Variants in NLN observed in about 807,000 individuals in gnomAD.
NLN encodes the protein neurolysin, mitochondrial.
NLN carries 64 observed loss-of-function variants against 79.9 expected under a neutral mutation model. The ratio of observed to expected loss-of-function variants is 0.80; its 90% confidence interval spans 0.65 to 0.99. The LOEUF (loss-of-function observed/expected upper bound fraction) is 0.99. Among genes scored for constraint, NLN ranks in the 50% least tolerant of loss-of-function variants. The pLI is 0.00. For synonymous variants in NLN, 267 were observed against 296.6 expected (o/e 0.90, Z 1.02); for missense variants, 835 against 858.7 (o/e 0.97, Z 0.34).
chr5:65,826,804 C>G lies in NLN; in HGVS notation c.*3889C>G, dbSNP rs2150782309. On this transcript the variant is annotated 3_prime_UTR_variant, in exon 13 of 13. Coordinates refer to ENST00000380985, the MANE Select transcript of NLN (RefSeq NM_020726.5). Reference sequence around the variant, plus strand: ...CCTGTAGTCCCAGCTACTTGGGAGGCTGAGGTGGGAGGATTGCTTGAGCCC... The same window carrying G: ...CCTGTAGTCCCAGCTACTTGGGAGGGTGAGGTGGGAGGATTGCTTGAGCCC... The G allele has an allele frequency of 6.6e-6, 1 of 152,090 alleles. No homozygotes were observed. The highest frequency in any genetic ancestry group is 2.4e-5 in the African/African-American group (1 of 41,442). 9.4% of individuals were successfully genotyped at this position (152,090 alleles called of 1,614,324 possible).
chr5:65,735,474 A>G (rs953574645), intron 1 of NLN, among the ~76,000 whole-genome samples: 10 of 152,238 alleles, frequency 6.6e-5, no homozygotes, highest in East Asian at 1.9e-4. Context: ...CCTAGGAGCC[A>G]TTCCTTGCTT....
chr5:65,726,157 C>T (rs997445407), intron 1 of NLN, among the ~76,000 whole-genome samples: 1 of 151,132 alleles, frequency 6.6e-6, no homozygotes, highest in African/African-American at 2.4e-5. Flanking sequence ...AAATCTATTT[C>T]AGCTCACAGT....
At chr5:65,738,986 A>G (rs9716284) in intron 1 of NLN, among the ~76,000 whole-genome samples, 1,192 of 7,376 alleles carry the variant, frequency 0.16, 35 homozygotes, top group African/African-American at 0.22. Context: ...TATATTATAT[A>G]TTTATATATA....
chr5:65,780,243 AG>A lies in NLN; in HGVS notation c.625del (p.Asp209MetfsTer23). On this transcript the variant is annotated frameshift_variant, in exon 5 of 13. Transcript: ENST00000380985. LOFTEE classifies it high-confidence loss of function. ...LCIDFNKNLN[E>X]DDTFLVFSKA... ...ATTGATTTTAACAAAAACCTCAATGAGGATGATACCTTCCTTGTATTTTCCA... is the reference window on the plus strand; with the variant it reads ...ATTGATTTTAACAAAAACCTCAATGAGATGATACCTTCCTTGTATTTTCCA... 6.8e-7 allele frequency: 1 copy of A among 1,480,322 alleles called. No individual in the cohort carries two copies. Among genetic ancestry groups the A allele is most frequent in the Non-Finnish European group, 9.3e-7 (1 of 1,069,530 alleles). The allele number at this position is 1,480,322 out of a possible 1,614,324, so 91.7% of individuals were successfully genotyped here.
At chr5:65,796,651 CT>C (rs1354477929) in intron 9 of NLN, among the ~76,000 whole-genome samples, 2 of 152,188 alleles carry the variant, frequency 1.3e-5, no homozygotes, top group Non-Finnish European at 2.9e-5. Flanking sequence ...ATTTTAAGAA[CT>C]TTTAAGGTCA....
intron 12 of NLN, among the ~76,000 whole-genome samples, chr5:65,816,153 T>G (rs1760666407): frequency 6.6e-6 from 1 of 151,988 alleles, no homozygotes; most frequent in South Asian, 2.1e-4. Flanking sequence ...ATTGCACCAT[T>G]GCACTCCAGC....
At chr5:65,803,392 G>A (rs1297514345) in intron 9 of NLN, among the ~76,000 whole-genome samples, 1 of 152,220 alleles carries the variant, frequency 6.6e-6, no homozygotes, top group Non-Finnish European at 1.5e-5. Flanking sequence ...AGGGGCTGAG[G>A]CAGCAAGGGG....
In NLN at chr5:65,732,351, T is replaced by A. The variant is rs191632025; in HGVS notation, c.41+9937T>A. Reference sequence around the variant, plus strand: ...GTCAGGGGTTCAGATCTAGGGAGGGTGCATTTGTGAATTCCTTTTTAGGAA... The same window carrying A: ...GTCAGGGGTTCAGATCTAGGGAGGGAGCATTTGTGAATTCCTTTTTAGGAA... On this transcript the variant is annotated intron_variant, in intron 1 of 12. Coordinates refer to ENST00000380985, the MANE Select transcript of NLN (RefSeq NM_020726.5). 7.1e-4 allele frequency among the ~76,000 whole-genome samples: 65 copies of A among 91,204 alleles called. 11 individuals are homozygous for A. Among genetic ancestry groups the A allele is most frequent in the African/African-American group, 2.2e-3 (50 of 22,742 alleles). 59.8% of individuals were successfully genotyped at this position (91,204 alleles called of 152,430 possible).
At chr5:65,777,684 G>A (rs1028184092) in intron 4 of NLN, 150 bp downstream of exon 4, 3 of 602,282 alleles carry the variant, frequency 5.0e-6, no homozygotes, top group Non-Finnish European at 8.8e-6. Flanking sequence ...ATGCTCATTG[G>A]AGCATTTCAG....
intron 12 of NLN, 84 bp from the exon 13 acceptor site, chr5:65,822,697 C>T: frequency 9.9e-7 from 1 of 1,008,576 alleles, no homozygotes; most frequent in Non-Finnish European, 1.6e-6. Context: ...TTTCCTTCAC[C>T]CCTACCCTCT....
intron 9 of NLN, among the ~76,000 whole-genome samples, chr5:65,795,681 T>A (rs548970825): frequency 3.9e-4 from 59 of 152,182 alleles, no homozygotes; most frequent in Non-Finnish European, 7.2e-4. Flanking sequence ...AGTGAGACTC[T>A]GTCTCAAAAT....
chr5:65,738,982 ATATATT>A (rs1758806494), intron 1 of NLN, among the ~76,000 whole-genome samples: 1 of 2,730 alleles, frequency 3.7e-4, no homozygotes, highest in African/African-American at 1.2e-3. Context: ...TATATATATT[ATATATT>A]TATATATATT....
intron 3 of NLN, among the ~76,000 whole-genome samples, chr5:65,773,127 A>ATTTTTTTTTT (rs757202934): frequency 1.0e-5 from 1 of 96,610 alleles, no homozygotes; most frequent in African/African-American, 4.2e-5. Context: ...CCTGAATTCT[A>ATTTTTTTTTT]TTTTTTTTTT....
rs1760964155 is a variant in NLN at position 65,828,642 on chromosome 5, T to G, written c.*5727T>G. The G allele has an allele frequency of 6.6e-6, 1 of 152,236 alleles. No homozygotes were observed. Among genetic ancestry groups the G allele is most frequent in the Non-Finnish European group, 1.5e-5 (1 of 68,032 alleles). The allele number at this position is 152,236 out of a possible 1,614,324, so 9.4% of individuals were successfully genotyped here. On this transcript the variant is annotated 3_prime_UTR_variant, in exon 13 of 13. Transcript: ENST00000380985. The stretch of plus-strand genomic sequence containing the variant: ...AGTACGAGGAAGCTGTTTCTAATAC[T>G]TTTTGTTGGTTAAAAATACATTCCG...
intron 1 of NLN, among the ~76,000 whole-genome samples, chr5:65,723,674 G>A (rs1304789562): frequency 6.6e-6 from 1 of 151,250 alleles, no homozygotes; most frequent in Non-Finnish European, 1.5e-5. Flanking sequence ...AATTAGCCGG[G>A]CGTGGTGGCG....
At chr5:65,807,730 G>T (rs544725131) in intron 9 of NLN, among the ~76,000 whole-genome samples, 2 of 152,110 alleles carry the variant, frequency 1.3e-5, no homozygotes, top group Non-Finnish European at 2.9e-5. Flanking sequence ...GTGAGTCACC[G>T]CACCAGCCAT....
rs1307276664 is a variant in NLN, at chr5:65,732,715, C to A, written c.41+10301C>A. Among the ~76,000 whole-genome samples, 5 of 143,886 alleles carry A rather than the reference C, an allele frequency of 3.5e-5. 1 individual carries two copies. The highest frequency in any genetic ancestry group is 2.1e-4 in the Admixed American group (3 of 14,598). 94.4% of individuals were successfully genotyped at this position (143,886 alleles called of 152,430 possible). On this transcript the variant is annotated intron_variant, in intron 1 of 12. Coordinates refer to ENST00000380985, the MANE Select transcript of NLN (RefSeq NM_020726.5). Reference sequence around the variant, plus strand: ...TCCCTAGACCTTGCTCAGTTGAGTTCTTTGTGCACATCTCCCACTGGGCTC... The same window carrying A: ...TCCCTAGACCTTGCTCAGTTGAGTTATTTGTGCACATCTCCCACTGGGCTC...
intron 4 of NLN, among the ~76,000 whole-genome samples, chr5:65,778,430 T>C (rs1202042687): frequency 1.3e-5 from 2 of 152,202 alleles, no homozygotes; most frequent in Admixed American, 1.3e-4. Context: ...CACTGAGATA[T>C]GGGTACCTTT....
intron 1 of NLN, among the ~76,000 whole-genome samples, chr5:65,734,684 C>T (rs1758688763): frequency 6.6e-6 from 1 of 152,170 alleles, no homozygotes; most frequent in Non-Finnish European, 1.5e-5. Context: ...TTGTGGTCAA[C>T]ACCGAAAGGA....
Sources: gnomAD v4.1 joint callset for allele counts (sites outside exome capture counted in the v4.1 genomes callset) on GRCh38, gnomAD v4.1.1 for gene constraint, MANE v1.5 for transcripts, NCBI Gene and HGNC (gene_info 2026-07-23, HGNC 2026-07-21) for gene names.